SEC16A: variants seen among roughly 807,000 people sequenced by gnomAD.
SEC16A encodes the protein SEC16 homolog A, endoplasmic reticulum export factor.
A neutral mutation model predicts 221.9 loss-of-function variants in SEC16A; 110 were observed. The observed-to-expected ratio is 0.50, with a 90% confidence interval of 0.42 to 0.58. SEC16A has a LOEUF of 0.58. SEC16A is among the 20% of genes least tolerant of loss of function. SEC16A has a pLI of 0.00. For missense variants in SEC16A, 3,165 were observed against 3,097.8 expected, an observed-to-expected ratio of 1.02 and a Z score of -0.52; for synonymous variants, 1,393 against 1,257.7, an observed-to-expected ratio of 1.11 and a Z score of -2.28.
rs1786850647 is a variant in SEC16A, at chr9:136,474,787, C to T, written c.2829G>A (p.Lys943=). Reference sequence around the variant, plus strand: ...GAAGAGCACTTCCTGCCTTACGATCCTTTTGACTTTCTGGAACCAAGTTCT... The same window carrying T: ...GAAGAGCACTTCCTGCCTTACGATCTTTTTGACTTTCTGGAACCAAGTTCT... ...VPENLVPESQ[K]DRKAGSALPG... Residue 943 remains lysine (K), a synonymous_variant, in exon 3 of 32, where the codon AAG becomes AAA. Transcript: ENST00000684901. The T allele has an allele frequency of 6.2e-7, 1 of 1,613,998 alleles. No homozygotes were observed.
chr9:136,484,215 G>C, upstream of SEC16A: 2 of 357,162 alleles, frequency 5.6e-6, no homozygotes, highest in South Asian at 6.9e-5. Context: ...GGGCGCTGGG[G>C]TCCCAGCCTT....
In SEC16A at chr9:136,483,040, C is replaced by T; in HGVS notation, c.-294G>A. 1 of 984,890 alleles carries T rather than the reference C, an allele frequency of 1.0e-6. No individual in the cohort carries two copies. Among genetic ancestry groups the T allele is most frequent in the Non-Finnish European group, 1.2e-6 (1 of 829,516 alleles). 61.0% of individuals were successfully genotyped at this position (984,890 alleles called of 1,614,324 possible). ...GCCGCCGCAGCCATCTTGGCACATC[C>T]GGCTCGGGTCTCCGCGGCCGCCGCG... is the stretch of plus-strand genomic sequence containing the variant. On this transcript the variant is annotated 5_prime_UTR_variant, in exon 1 of 32. Transcript: ENST00000684901.
chr9:136,451,461 A>C, intron 22 of SEC16A, 53 bp from the exon 23 acceptor site: 1 of 1,528,636 alleles, frequency 6.5e-7, no homozygotes, highest in Non-Finnish European at 8.7e-7. Context: ...ACAGGAACCG[A>C]AAGAGAGAGG....
At chr9:136,445,239 GA>G (rs1423469048) in intron 29 of SEC16A, 128 bp from the exon 30 acceptor site, 31 of 786,624 alleles carry the variant, frequency 3.9e-5, no homozygotes, top group Non-Finnish European at 5.4e-5. Context: ...ACTCAAAAGG[GA>G]AAAAAAAGCC....
chr9:136,449,438 T>C (rs911152993), intron 23 of SEC16A, among the ~76,000 whole-genome samples: 1 of 152,180 alleles, frequency 6.6e-6, no homozygotes, highest in Non-Finnish European at 1.5e-5. Flanking sequence ...TTAGTAGAGA[T>C]GGGGTTTCAC....
chr9:136,468,573 G>C, intron 4 of SEC16A, 61 bp from the exon 5 acceptor site: 4 of 1,097,614 alleles, frequency 3.6e-6, no homozygotes, highest in Non-Finnish European at 4.2e-6. Context: ...TGTGACATCA[G>C]CCAATACAAA....
chr9:136,464,034 C>G (rs188151208), intron 9 of SEC16A, among the ~76,000 whole-genome samples: 1 of 152,262 alleles, frequency 6.6e-6, no homozygotes, highest in Admixed American at 6.5e-5. Context: ...CAGGAAGAGG[C>G]GCATGCCAGC....
Position 136,451,264 on chromosome 9 carries a change from G to GTTCCTTCGT in SEC16A, c.6295_6303dup (p.Thr2099_Glu2101dup), listed in dbSNP as rs761006977. 3 of 1,611,304 alleles carry GTTCCTTCGT rather than the reference G, an allele frequency of 1.9e-6. No individual in the cohort carries two copies. The highest frequency in any genetic ancestry group is 1.7e-6 in the Non-Finnish European group (2 of 1,178,768). On this transcript the variant is annotated inframe_insertion, in exon 23 of 32. Coordinates refer to ENST00000684901, the MANE Select transcript of SEC16A (RefSeq NM_014866.2). ...TGGGCAGGCTGTACTACCTTCTTAG[G>GTTCCTTCGT]TTCCTTCGTTTCTTTCTTGGCTGCC...
In SEC16A at chr9:136,475,631, G is replaced by A. The variant is rs1167525062; in HGVS notation, c.1985C>T (p.Pro662Leu). The change falls in exon 3 of 32, where the codon CCA becomes CTA. Residue 662 changes from proline (P) to leucine (L), a missense_variant. Pro to Leu is a moderately conservative substitution (Grantham distance 98). Transcript: ENST00000684901. This position sits in a 1 kb window ranked among gnomAD's most constrained non-coding sequence, Gnocchi z 5.0. ...ACAGAGGGTCTCCATGTTGTCTGGT[G>A]GCTGCTCCAGGTTGCCAGGGGAAGC... ...PDASPGNLEQ[P>L]PDNMETLCAP... 2.5e-6 allele frequency: 4 copies of A among 1,613,650 alleles called. No homozygotes were observed. Among genetic ancestry groups the A allele is most frequent in the African/African-American group, 2.7e-5 (2 of 74,922 alleles).
chr9:136,445,586 G>T (rs1836859322), intron 29 of SEC16A, 59 bp downstream of exon 29: 3 of 1,305,628 alleles, frequency 2.3e-6, no homozygotes, highest in Non-Finnish European at 3.2e-6. Flanking sequence ...GAGGCGCCTG[G>T]ACAGTGAGCT....
At chr9:136,481,054 TC>T (rs1564552129) in intron 1 of SEC16A, among the ~76,000 whole-genome samples, 1 of 152,062 alleles carries the variant, frequency 6.6e-6, no homozygotes, top group African/African-American at 2.4e-5. Context: ...ATTTTTTTGA[TC>T]TTTTTCTCTA....
At chr9:136,479,078 C>T (rs538455594) in intron 1 of SEC16A, among the ~76,000 whole-genome samples, 31 of 151,750 alleles carry the variant, frequency 2.0e-4, no homozygotes, top group African/African-American at 7.0e-4. Flanking sequence ...AGACTGGATT[C>T]CAACACTTTC....
chr9:136,441,945 T>C (rs1478146421), intron 31 of SEC16A, 122 bp from the exon 32 acceptor site: 1 of 825,162 alleles, frequency 1.2e-6, no homozygotes, highest in East Asian at 2.7e-5. Flanking sequence ...GCTGACAAGC[T>C]GAAGGCTTCG....
chr9:136,479,344 T>C (rs1842031284), intron 1 of SEC16A, among the ~76,000 whole-genome samples: 1 of 152,186 alleles, frequency 6.6e-6, no homozygotes, highest in Admixed American at 6.5e-5. Flanking sequence ...GAGGACTCTG[T>C]AGTTTAATCC....
At chr9:136,467,186 G>T in intron 5 of SEC16A, 103 bp from the exon 6 acceptor site, 1 of 1,340,694 alleles carries the variant, frequency 7.5e-7, no homozygotes, top group Non-Finnish European at 1.0e-6. Context: ...ATGCTCCAAG[G>T]ACTCCTCGAG....
At chr9:136,461,394 AAC>A (rs1199656930) in intron 12 of SEC16A, 120 bp from the exon 13 acceptor site, 6 of 711,514 alleles carry the variant, frequency 8.4e-6, no homozygotes, top group African/African-American at 3.5e-5. Flanking sequence ...AGGCCTCAAA[AAC>A]ACACTTATTC....
rs895510074 is a variant in SEC16A at position 136,467,220 on chromosome 9, C to T, written c.3803-137G>A. On this transcript the variant is annotated intron_variant, in intron 5 of 31. Transcript: ENST00000684901. Reference sequence around the variant, plus strand: ...AGAAACCCAGCTTCTTCCTGGAAACCAGCACGACACCAGGAAGCCATGAGA... The same window carrying T: ...AGAAACCCAGCTTCTTCCTGGAAACTAGCACGACACCAGGAAGCCATGAGA... 2.4e-5 allele frequency: 23 copies of T among 954,156 alleles called. No individual in the cohort carries two copies. The South Asian group carries it at 3.2e-4, about 13-fold the overall frequency. The allele number at this position is 954,156 out of a possible 1,614,324, so 59.1% of individuals were successfully genotyped here. A position where few individuals can be genotyped will look rare whatever the true frequency, so the allele number is the denominator to read the frequency against.
chr9:136,442,771 C>T (rs1836374019), intron 31 of SEC16A, among the ~76,000 whole-genome samples: 1 of 152,252 alleles, frequency 6.6e-6, no homozygotes, highest in South Asian at 2.1e-4. Context: ...AACCTAAGGC[C>T]ACTTGCAGTT....
intron 13 of SEC16A, 125 bp downstream of exon 13, chr9:136,461,052 G>A (rs1839405051): frequency 1.4e-6 from 1 of 731,464 alleles, no homozygotes; most frequent in Admixed American, 2.2e-5. Context: ...GGAAGCCCGA[G>A]TTCGTGTGGG....
Sources: allele counts gnomAD v4.1 joint callset (sites outside exome capture counted in the v4.1 genomes callset), GRCh38; gene constraint gnomAD v4.1.1; non-coding constraint Gnocchi (gnomAD v3.1); transcripts MANE v1.5; gene names NCBI Gene and HGNC (gene_info 2026-07-23, HGNC 2026-07-21).